ZNF469: variants seen among roughly 807,000 people sequenced by gnomAD.
ZNF469 encodes the protein zinc finger protein 469.
A neutral mutation model predicts 1.0 loss-of-function variants in ZNF469; 1 was observed. That is an observed-to-expected ratio of 1.00 (90% CI 0.35 to 4.73). ZNF469 has a LOEUF of 4.73. ZNF469 is among the 30% of genes most tolerant of loss of function. The pLI is 0.16. For missense variants in ZNF469, 6,100 were observed against 5,356.3 expected (o/e 1.14, Z -4.33); for synonymous variants, 2,703 against 2,363.4 (o/e 1.14, Z -4.17).
At chr16:88,355,811 C>T in the ZNF469 span, among the ~76,000 whole-genome samples, 499 of 152,292 alleles carry the variant, frequency 3.3e-3, 1 homozygote, top group Non-Finnish European at 5.7e-3. Context: ...GCAGGATGGA[C>T]CTGGACCCGA....
the ZNF469 span, among the ~76,000 whole-genome samples, chr16:88,131,435 C>G: frequency 1.4e-5 from 2 of 146,930 alleles, no homozygotes; most frequent in Admixed American, 6.7e-5. Flanking sequence ...GCTTTCCCTT[C>G]CCGGGGCCTG....
At chr16:88,212,744 C>G in the ZNF469 span, among the ~76,000 whole-genome samples, 1 of 152,138 alleles carries the variant, frequency 6.6e-6, no homozygotes, top group Admixed American at 6.5e-5. Context: ...CAACACCCAG[C>G]TAATTTTTGT....
At chr16:88,170,837 C>A in the ZNF469 span, among the ~76,000 whole-genome samples, 1 of 152,134 alleles carries the variant, frequency 6.6e-6, no homozygotes, top group African/African-American at 2.4e-5. This position sits in a 1 kb window ranked among gnomAD's most constrained non-coding sequence, Gnocchi z 4.2. Context: ...GAGGAACCTG[C>A]ATACTTTCCT....
At chr16:88,332,398 C>T in the ZNF469 span, among the ~76,000 whole-genome samples, 28 of 152,346 alleles carry the variant, frequency 1.8e-4, no homozygotes, top group South Asian at 5.6e-3. Context: ...GTGCCGTCAC[C>T]GCGTGCCCTG....
intron 1 of ZNF469, among the ~76,000 whole-genome samples, chr16:88,420,282 A>C (rs1905419246): frequency 6.6e-6 from 1 of 152,208 alleles, no homozygotes; most frequent in Non-Finnish European, 1.5e-5. Flanking sequence ...AGAAACAACC[A>C]GGAGAATGAA....
rs1400277946 is a variant in ZNF469, at chr16:88,440,119, C to G, written c.*787C>G. On this transcript the variant is annotated 3_prime_UTR_variant, in exon 3 of 3. Transcript: ENST00000565624. ...CCCTGCTGTACGGAGCTCTGGGCTC[C>G]GCCTATTTGCAATGTTACTCTGAAG... The G allele has an allele frequency of 6.6e-6, 1 of 152,456 alleles. No homozygotes were observed. The highest frequency in any genetic ancestry group is 2.4e-5 in the African/African-American group (1 of 41,446). 9.4% of individuals were successfully genotyped at this position (152,456 alleles called of 1,614,324 possible).
the ZNF469 span, among the ~76,000 whole-genome samples, chr16:88,189,639 G>A: frequency 6.6e-6 from 1 of 152,252 alleles, no homozygotes; most frequent in Non-Finnish European, 1.5e-5. The surrounding 1 kb of genome is among the most constrained non-coding windows in gnomAD (Gnocchi z 4.3). Context: ...AAAGGCACAG[G>A]CTGGGCACAG....
At chr16:88,178,933 C>G in the ZNF469 span, 4 of 152,430 alleles carry the variant, frequency 2.6e-5, no homozygotes, top group East Asian at 7.8e-4. Context: ...GATCCTCTTT[C>G]ATGGGTTTCT....
chr16:88,181,652 G>A, the ZNF469 span, among the ~76,000 whole-genome samples: 1 of 152,208 alleles, frequency 6.6e-6, no homozygotes, highest in Non-Finnish European at 1.5e-5. Context: ...GTGCTGGCAA[G>A]GCAGTGCTTG....
the ZNF469 span, among the ~76,000 whole-genome samples, chr16:88,189,531 C>T: frequency 6.6e-6 from 1 of 152,220 alleles, no homozygotes; most frequent in African/African-American, 2.4e-5. The surrounding 1 kb of genome is among the most constrained non-coding windows in gnomAD (Gnocchi z 4.3). Flanking sequence ...ATTCCACATG[C>T]ACTTATTGTG....
the ZNF469 span, among the ~76,000 whole-genome samples, chr16:88,105,803 G>C: frequency 6.6e-6 from 1 of 152,252 alleles, no homozygotes; most frequent in East Asian, 1.9e-4. Context: ...AACGGCACGT[G>C]TGCTACGTGG....
chr16:88,145,620 C>A, the ZNF469 span, among the ~76,000 whole-genome samples: 1 of 152,236 alleles, frequency 6.6e-6, no homozygotes, highest in African/African-American at 2.4e-5. Context: ...CAAGAATTCT[C>A]CTCTCTGGCT....
the ZNF469 span, among the ~76,000 whole-genome samples, chr16:88,212,058 G>A: frequency 6.6e-6 from 1 of 152,312 alleles, no homozygotes; most frequent in Admixed American, 6.5e-5. Flanking sequence ...GCCTTGCTTT[G>A]TTTATTCCTT....
At chr16:88,336,479 C>T in the ZNF469 span, among the ~76,000 whole-genome samples, 71 of 146,740 alleles carry the variant, frequency 4.8e-4, no homozygotes, top group African/African-American at 1.6e-3. Context: ...ATACCACGCA[C>T]GTTCATCCTT....
chr16:88,236,311 C>G, the ZNF469 span, among the ~76,000 whole-genome samples: 2 of 152,254 alleles, frequency 1.3e-5, no homozygotes, highest in South Asian at 2.1e-4. Flanking sequence ...CTTCCAGGAC[C>G]TGCTCCCTGT....
chr16:88,190,010 C>T, the ZNF469 span, among the ~76,000 whole-genome samples: 1 of 143,450 alleles, frequency 7.0e-6, no homozygotes, highest in Non-Finnish European at 1.5e-5. Flanking sequence ...CACAATTTCC[C>T]ACCCCACCCA....
chr16:88,240,076 A>G, the ZNF469 span, among the ~76,000 whole-genome samples: 1 of 150,376 alleles, frequency 6.6e-6, no homozygotes, highest in Non-Finnish European at 1.5e-5. Context: ...CCAAACACCC[A>G]TGCCCATTGG....
chr16:88,425,283 C>A (rs1223731624), intron 2 of ZNF469, among the ~76,000 whole-genome samples: 2 of 152,202 alleles, frequency 1.3e-5, no homozygotes, highest in Non-Finnish European at 2.9e-5. Context: ...ACTCTGAGCC[C>A]CCTCCTCCTC....
At chr16:88,259,526 CT>C in the ZNF469 span, among the ~76,000 whole-genome samples, 1 of 152,318 alleles carries the variant, frequency 6.6e-6, no homozygotes, top group South Asian at 2.1e-4. The surrounding 1 kb of genome is among the most constrained non-coding windows in gnomAD (Gnocchi z 4.1). Context: ...AGGAAATACT[CT>C]GGGAACTCTC....
Sources: allele counts gnomAD v4.1 joint callset (sites outside exome capture counted in the v4.1 genomes callset), GRCh38; gene constraint gnomAD v4.1.1; non-coding constraint Gnocchi (gnomAD v3.1); transcripts MANE v1.5; gene names NCBI Gene and HGNC (gene_info 2026-07-23, HGNC 2026-07-21).